The following HRH2 variants were observed in gnomAD, a reference collection of about 807,000 sequenced individuals.
The protein encoded by HRH2 is histamine receptor H2, also known as histamine H2 receptor.
A neutral mutation model predicts 20.1 loss-of-function variants in HRH2; 4 were observed. The observed-to-expected ratio is 0.20, with a 90% confidence interval of 0.10 to 0.45. The LOEUF (loss-of-function observed/expected upper bound fraction) is 0.45. Among genes scored for constraint, HRH2 ranks in the 20% least tolerant of loss-of-function variants. The pLI, the probability that HRH2 is intolerant of heterozygous loss-of-function variation, is 0.99. For missense variants in HRH2, 250 were observed against 461.6 expected (o/e 0.54, Z 4.20); for synonymous variants, 197 against 200.7 (o/e 0.98, Z 0.16).
chr5:175,697,227 G>A (rs1266812334), intron 2 of HRH2, among the ~76,000 whole-genome samples: 1 of 152,108 alleles, frequency 6.6e-6, no homozygotes, highest in Admixed American at 6.5e-5. Context: ...ACTTTGGCAG[G>A]CCGAGGCGGG....
In HRH2 at chr5:175,693,091, G is replaced by A. The variant is rs78283003; in HGVS notation, c.1076+8782G>A. On this transcript the variant is annotated intron_variant, in intron 2 of 2. Transcript: ENST00000636584. This position sits in a 1 kb window ranked among gnomAD's most constrained non-coding sequence, Gnocchi z 4.4. ...TTGGCTGTGTGAGCTTGGAGAGATCGCATCCCTCTCTGAGTCCCAATTTCC... is the reference window on the plus strand; with the variant it reads ...TTGGCTGTGTGAGCTTGGAGAGATCACATCCCTCTCTGAGTCCCAATTTCC... 0.028 allele frequency among the ~76,000 whole-genome samples: 4,284 copies of A among 152,186 alleles called. 206 individuals carry two copies. Among genetic ancestry groups the A allele is most frequent in the African/African-American group, 0.096 (3,976 of 41,488 alleles).
chr5:175,674,657 G>A (rs577294398), intron 1 of HRH2, among the ~76,000 whole-genome samples: 1 of 152,250 alleles, frequency 6.6e-6, no homozygotes, highest in Admixed American at 6.5e-5. Context: ...TGTGCAGAGG[G>A]GTCCCGCTGG....
intron 2 of HRH2, among the ~76,000 whole-genome samples, chr5:175,697,201 C>A (rs1394123156): frequency 6.6e-6 from 1 of 152,122 alleles, no homozygotes; most frequent in African/African-American, 2.4e-5. Flanking sequence ...CGGTGGCTCA[C>A]GCCTGTAATC....
intron 2 of HRH2, among the ~76,000 whole-genome samples, chr5:175,704,900 C>T (rs1019479829): frequency 6.6e-6 from 1 of 151,542 alleles, no homozygotes; most frequent in African/African-American, 2.4e-5. Flanking sequence ...TACCTGGGTG[C>T]CTTGTGATTT....
At chr5:175,706,375 T>C (rs1055347572) in intron 2 of HRH2, among the ~76,000 whole-genome samples, 2 of 152,260 alleles carry the variant, frequency 1.3e-5, no homozygotes, top group African/African-American at 2.4e-5. Context: ...GTTTATTTTC[T>C]TTTTAGTTAA....
intron 1 of HRH2, among the ~76,000 whole-genome samples, chr5:175,675,557 T>A (rs1017777119): frequency 6.6e-6 from 1 of 152,156 alleles, no homozygotes; most frequent in Admixed American, 6.5e-5. Flanking sequence ...GTGCAATGAT[T>A]GAGAGGAGAG....
intron 2 of HRH2, 90 bp downstream of exon 2, chr5:175,684,399 G>A (rs1581437865): frequency 2.0e-6 from 3 of 1,523,424 alleles, no homozygotes; most frequent in Non-Finnish European, 2.6e-6. Flanking sequence ...TGTTTAGGTG[G>A]TGCTGGTTTA....
intron 1 of HRH2, among the ~76,000 whole-genome samples, chr5:175,663,038 G>A (rs1762784549): frequency 2.0e-5 from 3 of 152,212 alleles, no homozygotes; most frequent in Admixed American, 2.0e-4. Flanking sequence ...TCCATTATAT[G>A]GATAGACCAC....
rs1418216521 is a variant in HRH2 at position 175,693,145 on chromosome 5, G to A, written c.1076+8836G>A. ...TCTGTAAAAGAGAGCTAAGAATTCT[G>A]GCAGTTGTCCCTGTCCCTGAAGCAG... On this transcript the variant is annotated intron_variant, in intron 2 of 2. Transcript: ENST00000636584. This position sits in a 1 kb window ranked among gnomAD's most constrained non-coding sequence, Gnocchi z 4.4. Among the ~76,000 whole-genome samples, 1 of 152,226 alleles carries A rather than the reference G, an allele frequency of 6.6e-6. No individual in the cohort carries two copies. The highest frequency in any genetic ancestry group is 1.9e-4 in the East Asian group (1 of 5,188).
intron 1 of HRH2, among the ~76,000 whole-genome samples, chr5:175,679,305 C>G (rs1435596572): frequency 2.0e-5 from 3 of 152,094 alleles, no homozygotes; most frequent in East Asian, 1.9e-4. Context: ...AAAAACACCC[C>G]CTTTCTGTCC....
Position 175,683,186 on chromosome 5 carries a change from G to T in HRH2, c.-48G>T. On this transcript the variant is annotated 5_prime_UTR_variant, in exon 2 of 3. Transcript: ENST00000636584. ...TAGTTGTCACATTGGGAGCAGAGAA[G>T]AAGCAACCAGGGGCCCTGATCAGGG... is the stretch of plus-strand genomic sequence containing the variant. 3.2e-6 allele frequency: 5 copies of T among 1,573,668 alleles called. No individual in the cohort carries two copies. Among genetic ancestry groups the T allele is most frequent in the South Asian group, 1.2e-5 (1 of 85,478 alleles).
intron 1 of HRH2, among the ~76,000 whole-genome samples, chr5:175,664,837 T>C (rs1762840090): frequency 6.6e-6 from 1 of 152,110 alleles, no homozygotes; most frequent in East Asian, 1.9e-4. Context: ...AGGGGCTCGC[T>C]ATGTTGCCCA....
intron 1 of HRH2, among the ~76,000 whole-genome samples, chr5:175,660,024 A>C (rs1211960867): frequency 6.6e-6 from 1 of 152,158 alleles, no homozygotes; most frequent in Admixed American, 6.5e-5. Flanking sequence ...GATTCTCCTG[A>C]GCTCACAGGC....
intron 2 of HRH2, among the ~76,000 whole-genome samples, chr5:175,696,893 G>A (rs1756607868): frequency 6.6e-6 from 1 of 152,250 alleles, no homozygotes; most frequent in African/African-American, 2.4e-5. Flanking sequence ...CCGGGCCGCA[G>A]TGCAGCAGGA....
At chr5:175,680,567 T>C (rs2113512488) in intron 1 of HRH2, among the ~76,000 whole-genome samples, 1 of 152,320 alleles carries the variant, frequency 6.6e-6, no homozygotes, top group South Asian at 2.1e-4. Context: ...TATTTTTTGT[T>C]AGCTATGATG....
intron 1 of HRH2, among the ~76,000 whole-genome samples, chr5:175,670,025 T>A: frequency 6.6e-6 from 1 of 152,200 alleles, no homozygotes; most frequent in South Asian, 2.1e-4. Context: ...ACTCTGATGC[T>A]TCTGAGGCCA....
chr5:175,688,017 C>T (rs143013107), intron 2 of HRH2, among the ~76,000 whole-genome samples: 99 of 152,322 alleles, frequency 6.5e-4, no homozygotes, highest in African/African-American at 2.4e-3. Flanking sequence ...TTTACCTTTC[C>T]CCACTTGTAG....
At position 175,687,404 on chromosome 5, in the gene HRH2, C is replaced by T. The variant is rs192925231; in HGVS notation, c.1076+3095C>T. ...GGCTGTCTGCCTGAGCCAAGAATTC[C>T]GAAGGGAACGGAGCCAGCCTGCCCT... On this transcript the variant is annotated intron_variant, in intron 2 of 2. Coordinates refer to ENST00000636584, the MANE Select transcript of HRH2 (RefSeq NM_001367711.1). The surrounding 1 kb of genome is among the most constrained non-coding windows in gnomAD (Gnocchi z 5.2). Among the ~76,000 whole-genome samples, 67 of 152,316 alleles carry T rather than the reference C, an allele frequency of 4.4e-4. No homozygotes were observed. The highest frequency in any genetic ancestry group is 7.6e-4 in the Non-Finnish European group (52 of 68,020).
At position 175,686,787 on chromosome 5, in the gene HRH2, A is replaced by G. The variant is rs1343872586; in HGVS notation, c.1076+2478A>G. ...TGAAGCAGGGACTTGCTTAATCTCC[A>G]CTTTATAGGTGGGAAAACTGAGGCA... On this transcript the variant is annotated intron_variant, in intron 2 of 2. Transcript: ENST00000636584. The surrounding 1 kb of genome is among the most constrained non-coding windows in gnomAD (Gnocchi z 4.7). Among the ~76,000 whole-genome samples the G allele has an allele frequency of 6.6e-6, 1 of 152,056 alleles. No individual in the cohort carries two copies. The highest frequency in any genetic ancestry group is 2.4e-5 in the African/African-American group (1 of 41,378).
Sources: allele counts gnomAD v4.1 joint callset (sites outside exome capture counted in the v4.1 genomes callset), GRCh38; gene constraint gnomAD v4.1.1; non-coding constraint Gnocchi (gnomAD v3.1); transcripts MANE v1.5; gene names NCBI Gene and HGNC (gene_info 2026-07-23, HGNC 2026-07-21).